The following FXYD5 variants were observed in gnomAD, a reference collection of about 807,000 sequenced individuals.
The protein encoded by FXYD5 is FXYD domain containing ion transport regulator 5, also known as FXYD domain-containing ion transport regulator 5.
FXYD5 carries 21 observed loss-of-function variants against 25.7 expected under a neutral mutation model. That is an observed-to-expected ratio of 0.82 (90% CI 0.58 to 1.18). FXYD5 has a LOEUF of 1.18. Ranked by LOEUF, FXYD5 falls within the 50% of genes most tolerant of loss-of-function variation. The pLI is 0.00. For missense variants in FXYD5, 229 were observed against 227.7 expected (o/e 1.01, Z -0.04); for synonymous variants, 101 against 90.7 (o/e 1.11, Z -0.64).
At chr19:35,167,715 G>A (rs903733531) in intron 8 of FXYD5, among the ~76,000 whole-genome samples, 2 of 152,156 alleles carry the variant, frequency 1.3e-5, no homozygotes, top group Non-Finnish European at 1.5e-5. Context: ...CTTAAGGGGA[G>A]AGGCAGAATT....
intron 4 of FXYD5, 123 bp downstream of exon 4, chr19:35,158,523 G>T: frequency 1.5e-6 from 1 of 659,786 alleles, no homozygotes. Context: ...TGAATGCCCT[G>T]GTTTACTCTG....
At chr19:35,159,960 A>ACTT (rs941598517) in intron 4 of FXYD5, 7 of 219,970 alleles carry the variant, frequency 3.2e-5, no homozygotes, top group Non-Finnish European at 8.9e-6. Context: ...TCATCCCAGC[A>ACTT]CTTTTGGAGG....
At chr19:35,161,249 A>ACACACACAGACACACACACACACAC (rs58296906) in intron 5 of FXYD5, among the ~76,000 whole-genome samples, 1 of 120,402 alleles carries the variant, frequency 8.3e-6, no homozygotes, top group South Asian at 2.8e-4. Context: ...CACACACACA[A>ACACACACAGACACACACACACACAC]AAGAATGATT....
chr19:35,161,769 T>C (rs1316116244), intron 5 of FXYD5, among the ~76,000 whole-genome samples: 1 of 152,190 alleles, frequency 6.6e-6, no homozygotes, highest in African/African-American at 2.4e-5. Flanking sequence ...TGATGATCCT[T>C]ATTTGAGGGG....
At chr19:35,157,734 T>C in intron 3 of FXYD5, 1 of 402,332 alleles carries the variant, frequency 2.5e-6, no homozygotes, top group South Asian at 2.3e-5. Flanking sequence ...GAGTCTCCTC[T>C]CATGGGGCCA....
At chr19:35,164,380 C>A in intron 6 of FXYD5, 135 bp downstream of exon 6, 1 of 823,698 alleles carries the variant, frequency 1.2e-6, no homozygotes, top group Non-Finnish European at 1.9e-6. Flanking sequence ...TCAAGCCAGG[C>A]AGAGGGTGGG....
chr19:35,162,620 C>G (rs2145421269), intron 5 of FXYD5, among the ~76,000 whole-genome samples: 2 of 152,152 alleles, frequency 1.3e-5, no homozygotes, highest in South Asian at 4.2e-4. Context: ...TCATGAGGGC[C>G]CCACCCTCAT....
At chr19:35,159,678 T>C in intron 4 of FXYD5, 1 of 1,523,720 alleles carries the variant, frequency 6.6e-7, no homozygotes, top group Middle Eastern at 1.7e-4. Flanking sequence ...GTCATGGTTC[T>C]AAATATTTTG....
At chr19:35,168,863 G>C (rs1366548300) in intron 8 of FXYD5, among the ~76,000 whole-genome samples, 3 of 152,148 alleles carry the variant, frequency 2.0e-5, no homozygotes. Flanking sequence ...AGGAGTTCAA[G>C]ACCAGCTTGG....
At chr19:35,160,407 T>C (rs1247521351) in intron 4 of FXYD5, among the ~76,000 whole-genome samples, 1 of 152,084 alleles carries the variant, frequency 6.6e-6, no homozygotes, top group Admixed American at 6.6e-5. Context: ...CGCTGTGCAA[T>C]GGTGCAATCT....
intron 8 of FXYD5, among the ~76,000 whole-genome samples, 176 bp from the exon 9 acceptor site, chr19:35,169,390 T>C (rs2065478299): frequency 6.6e-6 from 1 of 151,622 alleles, no homozygotes; most frequent in Non-Finnish European, 1.5e-5. Context: ...GGGAAGGGCC[T>C]CTCGCAGGGC....
intron 5 of FXYD5, chr19:35,163,921 C>G: frequency 7.5e-7 from 1 of 1,336,108 alleles, no homozygotes; most frequent in Non-Finnish European, 9.9e-7. Context: ...TGGAGTCCCT[C>G]GGGGATTGAG....
intron 1 of FXYD5, 78 bp from the exon 2 acceptor site, chr19:35,155,473 G>A (rs2145406735): frequency 8.4e-7 from 1 of 1,190,318 alleles, no homozygotes; most frequent in South Asian, 1.2e-5. Context: ...CAGGGAAAGG[G>A]CTGCAGGATC....
intron 4 of FXYD5, among the ~76,000 whole-genome samples, chr19:35,159,280 T>C (rs2065384238): frequency 6.6e-6 from 1 of 152,204 alleles, no homozygotes. Context: ...TCTCCCTCTG[T>C]CTCTGAGAGG....
rs1295846465 is a variant in FXYD5, at chr19:35,155,556, G to A, written c.6G>A (p.Ser2=). Residue 2 remains serine, a synonymous_variant, in exon 2 of 9, where the codon TCG becomes TCA. Coordinates refer to ENST00000392219, the MANE Select transcript of FXYD5 (RefSeq NM_014164.6). ...AGCATCGCCTGGTCCCACAGATGTC[G>A]CCCTCTGGTCGCCTGTGTCTTCTCA... M[S]PSGRLCLLTI... is the part of the protein sequence containing the mutation. The A allele has an allele frequency of 2.5e-6, 4 of 1,609,866 alleles. No individual in the cohort carries two copies. The highest frequency in any genetic ancestry group is 3.4e-6 in the Non-Finnish European group (4 of 1,179,554).
intron 8 of FXYD5, among the ~76,000 whole-genome samples, chr19:35,169,268 A>G (rs909766116): frequency 6.6e-6 from 1 of 152,158 alleles, no homozygotes; most frequent in Non-Finnish European, 1.5e-5. Flanking sequence ...CAACTCTGCC[A>G]GGGCAGGGAT....
chr19:35,157,687 G>C (rs1600501012), intron 3 of FXYD5, 186 bp downstream of exon 3: 4 of 477,102 alleles, frequency 8.4e-6, no homozygotes, highest in Non-Finnish European at 1.5e-5. Context: ...TCCACCTCTT[G>C]GTTCTGTTTT....
intron 5 of FXYD5, among the ~76,000 whole-genome samples, chr19:35,163,272 G>A (rs2065421165): frequency 6.6e-6 from 1 of 152,168 alleles, no homozygotes; most frequent in Non-Finnish European, 1.5e-5. Context: ...AGGGTGTGGG[G>A]CACTGAGATA....
chr19:35,162,065 G>A (rs2065411333), intron 5 of FXYD5, among the ~76,000 whole-genome samples: 1 of 152,218 alleles, frequency 6.6e-6, no homozygotes, highest in Admixed American at 6.5e-5. Flanking sequence ...TAGCAGCTGT[G>A]TCCACACTTA....
Sources: allele counts gnomAD v4.1 joint callset (sites outside exome capture counted in the v4.1 genomes callset), GRCh38; gene constraint gnomAD v4.1.1; transcripts MANE v1.5; gene names NCBI Gene and HGNC (gene_info 2026-07-23, HGNC 2026-07-21).